The following RGS17 variants were observed in gnomAD, a reference collection of about 807,000 sequenced individuals.
RGS17 encodes the protein regulator of G protein signaling 17.
A neutral mutation model predicts 25.5 loss-of-function variants in RGS17; 12 were observed. That is an observed-to-expected ratio of 0.47 (90% confidence interval 0.30 to 0.76). The LOEUF (loss-of-function observed/expected upper bound fraction) is 0.76. Ranked by LOEUF, RGS17 falls within the 30% of genes least tolerant of loss-of-function variation. The pLI is 0.07. For missense variants in RGS17, 196 were observed against 242.2 expected (o/e 0.81, Z 1.27); for synonymous variants, 71 against 76.9 (o/e 0.92, Z 0.40).
At chr6:153,087,108 C>A (rs559121081) in intron 1 of RGS17, among the ~76,000 whole-genome samples, 2 of 76,194 alleles carry the variant, frequency 2.6e-5, no homozygotes, top group South Asian at 6.7e-4. Context: ...CATGGCGAAA[C>A]CCCATCTCTA....
intron 1 of RGS17, among the ~76,000 whole-genome samples, chr6:153,099,862 G>A (rs1489934135): frequency 3.3e-5 from 5 of 152,114 alleles, no homozygotes; most frequent in Non-Finnish European, 7.4e-5. Flanking sequence ...CACAGCACCT[G>A]GCACCCAGTC....
At chr6:153,055,863 C>T (rs751248434) in intron 1 of RGS17, among the ~76,000 whole-genome samples, 3 of 152,224 alleles carry the variant, frequency 2.0e-5, no homozygotes, top group Non-Finnish European at 4.4e-5. Context: ...TACTCTGTTA[C>T]TTCTTTCCCT....
rs371479194 is a variant in RGS17, at chr6:153,062,149, G to A, written c.-25-18106C>T. On this transcript the variant is annotated intron_variant, in intron 1 of 4. Transcript: ENST00000206262. ...ATTAACAACTATCTACACAAGAAGA[G>A]CACGTCATAAGAACTAAAAATCAGG... is the stretch of plus-strand genomic sequence containing the variant. Among the ~76,000 whole-genome samples the A allele has an allele frequency of 5.2e-4, 63 of 120,354 alleles. 2 individuals are homozygous for A. The highest frequency in any genetic ancestry group is 2.0e-3 in the African/African-American group (63 of 31,598). 79.0% of individuals were successfully genotyped at this position (120,354 alleles called of 152,430 possible). A position where few individuals can be genotyped will look rare whatever the true frequency, so the allele number is the denominator to read the frequency against.
chr6:153,023,397 G>A (rs1184138815), intron 4 of RGS17: 1 of 508,478 alleles, frequency 2.0e-6, no homozygotes, highest in African/African-American at 1.9e-5. Context: ...GAACCTCTAT[G>A]TTCTCTAAGT....
chr6:153,094,004 T>C lies in RGS17; in HGVS notation c.-26+37120A>G, dbSNP rs148796485. On this transcript the variant is annotated intron_variant, in intron 1 of 4. Transcript: ENST00000206262. ...AAAGTGCATTATATAAATACGATTA[T>C]GTAATATCTGGTATCATCAATGGAG... is the stretch of plus-strand genomic sequence containing the variant. Among the ~76,000 whole-genome samples the C allele has an allele frequency of 6.7e-4, 102 of 152,304 alleles. 1 individual carries two copies. In the East Asian group the frequency reaches 0.019, roughly 28 times the overall value.
chr6:153,025,611 T>C (rs947297809), intron 3 of RGS17, among the ~76,000 whole-genome samples: 10 of 148,144 alleles, frequency 6.8e-5, no homozygotes, highest in Non-Finnish European at 1.3e-4. Context: ...AAAAGACATT[T>C]GGCCAAAGAA....
At chr6:153,068,434 G>C (rs905545651) in intron 1 of RGS17, among the ~76,000 whole-genome samples, 1 of 152,148 alleles carries the variant, frequency 6.6e-6, no homozygotes, top group Non-Finnish European at 1.5e-5. Context: ...GTGACAGAGT[G>C]AGACTCCATC....
intron 3 of RGS17, 69 bp from the exon 4 acceptor site, chr6:153,024,565 A>T: frequency 8.8e-7 from 1 of 1,133,172 alleles, no homozygotes; most frequent in East Asian, 2.3e-5. Context: ...CCAGGTAAGG[A>T]GAGGAGCAGA....
At chr6:153,081,237 G>T (rs558719560) in intron 1 of RGS17, among the ~76,000 whole-genome samples, 5 of 151,972 alleles carry the variant, frequency 3.3e-5, no homozygotes, top group Admixed American at 2.6e-4. Flanking sequence ...TGTTTCTCCT[G>T]TCAGTTCTGT....
chr6:153,082,439 A>G (rs1051771630), intron 1 of RGS17, among the ~76,000 whole-genome samples: 1 of 152,088 alleles, frequency 6.6e-6, no homozygotes, highest in Non-Finnish European at 1.5e-5. Context: ...CTATCACTAA[A>G]TCTTCAATTA....
chr6:153,126,127 A>C (rs948094529), intron 1 of RGS17, among the ~76,000 whole-genome samples: 4 of 152,354 alleles, frequency 2.6e-5, no homozygotes, highest in South Asian at 2.1e-4. Context: ...ACATGGTTTT[A>C]TAATTTAGCT....
chr6:153,120,620 C>T (rs999048776), intron 1 of RGS17, among the ~76,000 whole-genome samples: 2 of 152,142 alleles, frequency 1.3e-5, no homozygotes, highest in African/African-American at 2.4e-5. Flanking sequence ...AGCTCCCGCC[C>T]GGTAATCCTC....
intron 1 of RGS17, among the ~76,000 whole-genome samples, chr6:153,049,517 C>T (rs760023991): frequency 5.3e-5 from 8 of 151,954 alleles, no homozygotes; most frequent in Non-Finnish European, 7.4e-5. Context: ...TTTGGGAGGC[C>T]GAGGCGGGTG....
At chr6:153,089,135 G>C (rs903592734) in intron 1 of RGS17, among the ~76,000 whole-genome samples, 11 of 151,490 alleles carry the variant, frequency 7.3e-5, no homozygotes, top group African/African-American at 2.7e-4. Flanking sequence ...CAAAGTCTCT[G>C]ATCACAATGG....
At chr6:153,017,465 G>A (rs77586985) in intron 4 of RGS17, among the ~76,000 whole-genome samples, 5,927 of 152,052 alleles carry the variant, frequency 0.039, 383 homozygotes, top group African/African-American at 0.14. Flanking sequence ...TGGGCTAAAC[G>A]GAGTCATATA....
At position 153,024,333 on chromosome 6, in the gene RGS17, T is replaced by G. The variant is rs140969485; in HGVS notation, c.373A>C (p.Asn125His). 7.4e-6 allele frequency: 12 copies of G among 1,614,000 alleles called. No individual in the cohort carries two copies. The African/African-American group carries it at 1.5e-4, about 20-fold the overall frequency. ...GCCTTTTCTTCAATTACTTTTTTGT[T>G]CTGCTCCTTCTTTAAGTCTTCACAA... The part of the protein sequence containing the change: ...LACEDLKKEQ[N>H]KKVIEEKARM... Residue 125 changes from asparagine (N) to histidine (H), a missense_variant, in exon 4 of 5, where the codon AAC (asparagine) becomes CAC (histidine). Around this residue, in one of 2 missense-constraint regions of RGS17, gnomAD observed 179 missense variants for 197.6 expected, o/e 0.91. Coordinates refer to ENST00000206262, the MANE Select transcript of RGS17 (RefSeq NM_012419.5).
At chr6:153,013,222 C>T (rs1405718748) in intron 4 of RGS17, among the ~76,000 whole-genome samples, 1 of 152,146 alleles carries the variant, frequency 6.6e-6, no homozygotes, top group Non-Finnish European at 1.5e-5. Flanking sequence ...TCACAATTTT[C>T]ATCATTATTA....
intron 1 of RGS17, among the ~76,000 whole-genome samples, chr6:153,089,412 A>G (rs4130523): frequency 0.077 from 11,777 of 152,230 alleles, 622 homozygotes; most frequent in East Asian, 0.17. Context: ...AAAATAATGG[A>G]TCTAACCCAA....
intron 2 of RGS17, among the ~76,000 whole-genome samples, chr6:153,040,308 T>C (rs1044205854): frequency 1.9e-4 from 29 of 152,166 alleles, no homozygotes; most frequent in Non-Finnish European, 3.7e-4. Context: ...ATGTACTCAC[T>C]CTCTGTATCC....
Sources: allele counts gnomAD v4.1 joint callset (sites outside exome capture counted in the v4.1 genomes callset), GRCh38; gene constraint gnomAD v4.1.1; regional missense constraint gnomAD v4.1.1; transcripts MANE v1.5; gene names NCBI Gene and HGNC (gene_info 2026-07-23, HGNC 2026-07-21).